Variants in IL17RC observed in about 807,000 individuals in gnomAD.
The protein encoded by IL17RC is interleukin-17 receptor C.
Under a neutral mutation model 86.7 loss-of-function variants are expected in IL17RC, and 53 were observed. The observed-to-expected ratio is 0.61, with a 90% CI of 0.49 to 0.77. IL17RC has a LOEUF of 0.77. Ranked by LOEUF, IL17RC falls within the 30% of genes least tolerant of loss-of-function variation. The probability of loss-of-function intolerance (pLI) is 0.00; values close to 1 mark genes in which losing one functional copy is unlikely to be tolerated. For synonymous variants in IL17RC, 439 were observed against 413.1 expected (o/e 1.06, Z -0.76); for missense variants, 957 against 940.0 (o/e 1.02, Z -0.24).
At position 9,933,563 on chromosome 3, in the gene IL17RC, C is replaced by A. The variant is rs183956; in HGVS notation, c.2133C>A (p.Gly711=). ...CGCCGGGACGCGGGGTGGGACCAGG[C>A]GCGGGACCTGGGGCGGGGGACGGGA... ...TPAPGRGVGP[G]AGPGAGDGT The change falls in exon 19 of 19, where the codon GGC becomes GGA. Residue 711 remains glycine (G), a synonymous_variant. Transcript: ENST00000403601. The A allele has an allele frequency of 6.2e-7, 1 of 1,606,772 alleles. No homozygotes were observed. The highest frequency in any genetic ancestry group is 8.5e-7 in the Non-Finnish European group (1 of 1,177,276).
At position 9,932,613 on chromosome 3, in the gene IL17RC, C is replaced by A; in HGVS notation, c.1393C>A (p.His465Asn). ...TTCTTCTCTGGGTCTCCCAGACATC[C>A]ACAAGCGCTGGGCCCTCGTGTGGCT... Reference protein sequence around the residue: ...LWACPMDKYIHKRWALVWLAC... With the variant: ...LWACPMDKYINKRWALVWLAC... Residue 465 changes from histidine (H) to asparagine (N), a missense_variant, in exon 17 of 19, where the codon CAC becomes AAC. His to Asn is a moderately conservative substitution (Grantham distance 68). Coordinates refer to ENST00000403601, the MANE Select transcript of IL17RC (RefSeq NM_153460.4). The A allele has an allele frequency of 6.2e-7, 1 of 1,614,078 alleles. No homozygotes were observed. The highest frequency in any genetic ancestry group is 8.5e-7 in the Non-Finnish European group (1 of 1,179,892).
At chr3:9,920,441 C>A in intron 5 of IL17RC, 50 bp from the exon 6 acceptor site, 1 of 1,184,360 alleles carries the variant, frequency 8.4e-7, no homozygotes, top group Non-Finnish European at 1.2e-6. Flanking sequence ...AGCCCTTGGC[C>A]TGGATTCTGA....
chr3:9,933,246 C>T lies in IL17RC; in HGVS notation c.1816C>T (p.His606Tyr). 1 of 1,605,080 alleles carries T rather than the reference C, an allele frequency of 6.2e-7. No individual in the cohort carries two copies. The highest frequency in any genetic ancestry group is 8.5e-7 in the Non-Finnish European group (1 of 1,176,312). Residue 606 changes from histidine to tyrosine, a missense_variant, in exon 19 of 19, where the codon CAC (histidine) becomes TAC (tyrosine). By Grantham distance (83) the His-to-Tyr change is moderately conservative (BLOSUM62 2). Coordinates refer to ENST00000403601, the MANE Select transcript of IL17RC (RefSeq NM_153460.4). ...GVSGPGAHGP[H>Y]DAFRASLSCV... Reference sequence around the variant, plus strand: ...GTCCGGGCCCGGGGCGCACGGCCCGCACGACGCCTTCCGCGCCTCGCTCAG... The same window carrying T: ...GTCCGGGCCCGGGGCGCACGGCCCGTACGACGCCTTCCGCGCCTCGCTCAG...
chr3:9,923,868 C>T lies in IL17RC; in HGVS notation c.623-13C>T. ...GGAAGTCTAAGCTGCGCTCTCTTTG[C>T]CTCTCCCACCAGCCCTGCCCTGGCT... is the stretch of plus-strand genomic sequence containing the variant. On this transcript the variant is annotated splice_polypyrimidine_tract_variant and intron_variant, in intron 7 of 18. Transcript: ENST00000403601. 6.2e-7 allele frequency: 1 copy of T among 1,613,488 alleles called. No homozygotes were observed. Among genetic ancestry groups the T allele is most frequent in the South Asian group, 1.1e-5 (1 of 91,032 alleles).
In IL17RC at chr3:9,920,481, C is replaced by G; in HGVS notation, c.466-10C>G. ...TGCACCGCCAGCCTTCCTCACCCCT[C>G]TCCTCACAGGGCTCTGTGGTATATG... On this transcript the variant is annotated splice_polypyrimidine_tract_variant and intron_variant, in intron 5 of 18. Coordinates refer to ENST00000403601, the MANE Select transcript of IL17RC (RefSeq NM_153460.4). The G allele has an allele frequency of 3.8e-6, 6 of 1,564,726 alleles. No individual in the cohort carries two copies. Among genetic ancestry groups the G allele is most frequent in the Non-Finnish European group, 5.2e-6 (6 of 1,145,542 alleles).
chr3:9,933,198 A>T lies in IL17RC; in HGVS notation c.1768A>T (p.Ser590Cys). 6.2e-7 allele frequency: 1 copy of T among 1,608,426 alleles called. No homozygotes were observed. The highest frequency in any genetic ancestry group is 2.2e-5 in the East Asian group (1 of 44,772). The change falls in exon 19 of 19, where the codon AGC becomes TGC. Residue 590 changes from serine to cysteine, a missense_variant. Ser to Cys is a moderately radical substitution (Grantham distance 112, BLOSUM62 -1). Coordinates refer to ENST00000403601, the MANE Select transcript of IL17RC (RefSeq NM_153460.4). Reference protein sequence around the residue: ...LFSPGAVALCSEWLQDGVSGP... With the variant: ...LFSPGAVALCCEWLQDGVSGP... ...CTCTCCCGGTGCGGTGGCGCTGTGC[A>T]GCGAGTGGCTACAGGATGGGGTGTC... is the stretch of plus-strand genomic sequence containing the variant.
Position 9,928,508 on chromosome 3 carries a change from T to C in IL17RC, c.1059+22T>C, listed in dbSNP as rs780541661. ...GGACGTAAGTGAAGCAGAGGGCACC[T>C]CCCGTGGTGAGGGGAGAGTGGGGAA... On this transcript the variant is annotated intron_variant, in intron 11 of 18. Transcript: ENST00000403601. 2.0e-5 allele frequency: 33 copies of C among 1,613,376 alleles called. 1 individual carries two copies. In the Admixed American group the frequency reaches 2.2e-4, roughly 11 times the overall value.
chr3:9,926,014 G>A (rs1289562126), intron 9 of IL17RC, among the ~76,000 whole-genome samples: 1 of 141,596 alleles, frequency 7.1e-6, no homozygotes, highest in Admixed American at 7.2e-5. Context: ...GCGCCACCAT[G>A]CCTGGCTAAT....
At chr3:9,928,869 G>T (rs2084370018) in intron 12 of IL17RC, among the ~76,000 whole-genome samples, 1 of 152,174 alleles carries the variant, frequency 6.6e-6, no homozygotes, top group African/African-American at 2.4e-5. Flanking sequence ...TGGAGTGGTT[G>T]TGACAATGAA....
intron 10 of IL17RC, 25 bp from the exon 11 acceptor site, chr3:9,928,280 C>T (rs756935647): frequency 7.9e-5 from 128 of 1,612,302 alleles, no homozygotes; most frequent in East Asian, 8.9e-5. Context: ...ACCTGGCCTG[C>T]GGTGACTGTG....
intron 4 of IL17RC, 37 bp downstream of exon 4, chr3:9,918,446 A>C (rs1395258408): frequency 2.5e-6 from 4 of 1,609,604 alleles, no homozygotes; most frequent in Non-Finnish European, 2.6e-6. Flanking sequence ...GCCCCATGCC[A>C]AGGCCTGGCC....
intron 5 of IL17RC, 73 bp from the exon 6 acceptor site, chr3:9,920,418 C>A: frequency 1.2e-6 from 1 of 859,764 alleles, no homozygotes; most frequent in Admixed American, 2.0e-5. Context: ...GTGGTCCCTG[C>A]AGATGATCCC....
rs770735000 is a variant in IL17RC, at chr3:9,923,939, C to T, written c.681C>T (p.Val227=). 6.2e-7 allele frequency: 1 copy of T among 1,614,218 alleles called. No homozygotes were observed. Among genetic ancestry groups the T allele is most frequent in the Non-Finnish European group, 8.5e-7 (1 of 1,180,052 alleles). The part of the protein sequence containing the change: ...DGDNVHLVLN[V]SEEQHFGLSL... Reference sequence around the variant, plus strand: ...ACAACGTGCATCTGGTTCTGAATGTCTCTGAGGAGCAGCACTTCGGCCTCT... The same window carrying T: ...ACAACGTGCATCTGGTTCTGAATGTTTCTGAGGAGCAGCACTTCGGCCTCT... Residue 227 remains valine (V), a synonymous_variant, in exon 8 of 19, where the codon GTC becomes GTT. Coordinates refer to ENST00000403601, the MANE Select transcript of IL17RC (RefSeq NM_153460.4).
In IL17RC at chr3:9,924,000, C is replaced by T; in HGVS notation, c.742C>T (p.Pro248Ser). ...GAATCAGGTCCAGGGCCCCCCAAAA[C>T]CCCGGTGGCACAAAAACCTGGTGAG... ...YWNQVQGPPK[P>S]RWHKNLTGPQ... Residue 248 changes from proline to serine, a missense_variant, in exon 8 of 19, where the codon CCC (proline) becomes TCC (serine). By Grantham distance (74) the Pro-to-Ser change is moderately conservative (BLOSUM62 -1). Transcript: ENST00000403601. 1 of 1,614,012 alleles carries T rather than the reference C, an allele frequency of 6.2e-7. No homozygotes were observed. Among genetic ancestry groups the T allele is most frequent in the Non-Finnish European group, 8.5e-7 (1 of 1,180,034 alleles).
rs1331118959 is a variant in IL17RC, at chr3:9,930,392, C to T, written c.1279-8C>T. 3 of 1,613,862 alleles carry T rather than the reference C, an allele frequency of 1.9e-6. No homozygotes were observed. Among genetic ancestry groups the T allele is most frequent in the Non-Finnish European group, 2.5e-6 (3 of 1,180,002 alleles). On this transcript the variant is annotated splice_polypyrimidine_tract_variant and splice_region_variant and intron_variant, in intron 14 of 18. Transcript: ENST00000403601. The surrounding 1 kb of genome is among the most constrained non-coding windows in gnomAD (Gnocchi z 5.8). ...AGGTAACAGTGCCCCCATCCTTTGG[C>T]TTGGCAGAGGGCAGCTCGCCTTGGA...
Position 9,933,621 on chromosome 3 carries a change from A to C in IL17RC, c.*28A>C, listed in dbSNP as rs777083628. ...AAAGGCAGACGCTGTTTTTCTACCC[A>C]TGTGGCCCACACGCGTCTCCGTTTC... On this transcript the variant is annotated 3_prime_UTR_variant, in exon 19 of 19. Coordinates refer to ENST00000403601, the MANE Select transcript of IL17RC (RefSeq NM_153460.4). The C allele has an allele frequency of 1.3e-6, 2 of 1,527,736 alleles. No individual in the cohort carries two copies. The highest frequency in any genetic ancestry group is 1.2e-5 in the South Asian group (1 of 81,430). 94.6% of individuals were successfully genotyped at this position (1,527,736 alleles called of 1,614,324 possible).
intron 5 of IL17RC, 56 bp downstream of exon 5, chr3:9,918,665 CAT>C: frequency 8.6e-7 from 1 of 1,158,842 alleles, no homozygotes; most frequent in Admixed American, 1.7e-5. Flanking sequence ...AACTTTTTCA[CAT>C]GCATTATCTC....
intron 12 of IL17RC, among the ~76,000 whole-genome samples, chr3:9,928,873 CAATG>C (rs2125258901): frequency 6.6e-6 from 1 of 152,278 alleles, no homozygotes; most frequent in South Asian, 2.1e-4. Context: ...GTGGTTGTGA[CAATG>C]AAATAAGAGA....
chr3:9,917,598 C>T lies in IL17RC; in HGVS notation c.106-115C>T, dbSNP rs964528502. 6 of 1,614,128 alleles carry T rather than the reference C, an allele frequency of 3.7e-6. No homozygotes were observed. Among genetic ancestry groups the T allele is most frequent in the Non-Finnish European group, 5.1e-6 (6 of 1,180,028 alleles). On this transcript the variant is annotated intron_variant, in intron 1 of 18. Transcript: ENST00000403601. ...GGGCAAGAGCTGGGTCTGTCTTTCTCTGGGAGGGTCTGGGAATACGGAGCC... is the reference window on the plus strand; with the variant it reads ...GGGCAAGAGCTGGGTCTGTCTTTCTTTGGGAGGGTCTGGGAATACGGAGCC...
Sources: gnomAD v4.1 joint callset for allele counts (sites outside exome capture counted in the v4.1 genomes callset) on GRCh38, gnomAD v4.1.1 for gene constraint, Gnocchi (gnomAD v3.1) non-coding constraint, MANE v1.5 for transcripts, NCBI Gene and HGNC (gene_info 2026-07-23, HGNC 2026-07-21) for gene names.